CDKN3: variants seen among roughly 807,000 people sequenced by gnomAD.
CDKN3 encodes the protein cyclin-dependent kinase inhibitor 3.
A neutral mutation model predicts 36.1 loss-of-function variants in CDKN3; 19 were observed. That is an observed-to-expected ratio of 0.53 (90% CI 0.37 to 0.77). CDKN3 has a LOEUF of 0.77. CDKN3 is among the 30% of genes least tolerant of loss of function. The pLI is 0.00. For synonymous variants in CDKN3, 71 were observed against 85.3 expected (o/e 0.83, Z 0.92); for missense variants, 188 against 248.6 (o/e 0.76, Z 1.64).
chr14:54,403,393 T>C (rs539594423), intron 3 of CDKN3, among the ~76,000 whole-genome samples: 1 of 152,248 alleles, frequency 6.6e-6, no homozygotes, highest in Admixed American at 6.5e-5. Context: ...TTTTTGCACA[T>C]TGATTTTGTA....
intron 5 of CDKN3, 120 bp from the exon 6 acceptor site, chr14:54,415,779 G>A (rs977150809): frequency 2.0e-5 from 15 of 746,640 alleles, no homozygotes; most frequent in Non-Finnish European, 3.1e-5. Context: ...ATTAATCTTC[G>A]TGTGCAAGGC....
intron 5 of CDKN3, among the ~76,000 whole-genome samples, chr14:54,414,709 CTTTTTT>C (rs35670197): frequency 9.8e-6 from 1 of 102,142 alleles, no homozygotes; most frequent in Admixed American, 1.0e-4. Flanking sequence ...CCGTGCCAGG[CTTTTTT>C]TTTTTTTTTT....
intron 3 of CDKN3, among the ~76,000 whole-genome samples, chr14:54,407,635 T>C (rs1176489777): frequency 6.6e-6 from 1 of 152,210 alleles, no homozygotes; most frequent in Non-Finnish European, 1.5e-5. Context: ...CGACTGGCTT[T>C]GTTTACACTG....
chr14:54,418,067 C>A, intron 7 of CDKN3, 116 bp downstream of exon 7: 1 of 687,346 alleles, frequency 1.5e-6, no homozygotes. Context: ...AAATGAAAAT[C>A]CAAAGCACTC....
chr14:54,407,550 G>A (rs1244667231), intron 3 of CDKN3, among the ~76,000 whole-genome samples: 1 of 152,226 alleles, frequency 6.6e-6, no homozygotes, highest in Non-Finnish European at 1.5e-5. Context: ...GCCCAGAGTG[G>A]AGGAATCTAG....
chr14:54,407,907 T>C (rs1013708618), intron 3 of CDKN3, among the ~76,000 whole-genome samples: 2 of 152,154 alleles, frequency 1.3e-5, no homozygotes, highest in Non-Finnish European at 2.9e-5. Context: ...AATGCAGAAA[T>C]CACCCGTCTT....
rs1049651490 is a variant in CDKN3 at position 54,417,791 on chromosome 14, C to T, written c.449-57C>T. On this transcript the variant is annotated intron_variant, in intron 6 of 7. Coordinates refer to ENST00000335183, the MANE Select transcript of CDKN3 (RefSeq NM_005192.4). ...CAGAAGTCTTATTAAATATAAAATG[C>T]TGTACCCTGTCACTAGTTATTTAAT... is the stretch of plus-strand genomic sequence containing the variant. 1.2e-5 allele frequency: 11 copies of T among 922,230 alleles called. No homozygotes were observed. The East Asian group carries it at 2.7e-4, about 22-fold the overall frequency. 57.1% of individuals were successfully genotyped at this position (922,230 alleles called of 1,614,324 possible).
intron 3 of CDKN3, among the ~76,000 whole-genome samples, chr14:54,404,634 G>A (rs1434010076): frequency 6.6e-6 from 1 of 151,938 alleles, no homozygotes; most frequent in Non-Finnish European, 1.5e-5. Flanking sequence ...CAGTGCAATG[G>A]CACAATCTCG....
At chr14:54,410,827 CT>C (rs1046686100) in intron 4 of CDKN3, among the ~76,000 whole-genome samples, 2 of 151,696 alleles carry the variant, frequency 1.3e-5, no homozygotes, top group African/African-American at 4.8e-5. Flanking sequence ...ATTGATAGCA[CT>C]TTTTTTCTTT....
chr14:54,416,624 G>C (rs1057033583), intron 6 of CDKN3, among the ~76,000 whole-genome samples: 3 of 152,134 alleles, frequency 2.0e-5, no homozygotes, highest in Non-Finnish European at 4.4e-5. Context: ...AGAACAGCAT[G>C]AGCAACATGG....
chr14:54,417,401 A>C lies in CDKN3; in HGVS notation c.449-447A>C, dbSNP rs184755751. ...TGCTAAGAGAAGTCAGACACACACA[A>C]AAAAATATTGTATGTTTCCGTTTAT... On this transcript the variant is annotated intron_variant, in intron 6 of 7. Coordinates refer to ENST00000335183, the MANE Select transcript of CDKN3 (RefSeq NM_005192.4). Among the ~76,000 whole-genome samples, 178 of 152,356 alleles carry C rather than the reference A, an allele frequency of 1.2e-3. 2 individuals carry two copies. The Middle Eastern group carries it at 0.027, about 23-fold the overall frequency.
chr14:54,414,231 T>C (rs2030454950), intron 5 of CDKN3: 1 of 152,724 alleles, frequency 6.5e-6, no homozygotes, highest in Non-Finnish European at 1.5e-5. Context: ...GACTTCAGCA[T>C]GTCTTTTGGG....
At chr14:54,400,246 CT>C (rs5808774) in intron 2 of CDKN3, among the ~76,000 whole-genome samples, 167 of 114,446 alleles carry the variant, frequency 1.5e-3, no homozygotes, top group Middle Eastern at 4.9e-3. Flanking sequence ...TTATAAGACC[CT>C]TTTTTTTTTT....
At chr14:54,406,905 TGGA>T (rs1347451844) in intron 3 of CDKN3, among the ~76,000 whole-genome samples, 8 of 152,318 alleles carry the variant, frequency 5.3e-5, no homozygotes, top group African/African-American at 1.4e-4. Context: ...TGTGATCCTT[TGGA>T]GGAGAAGAGG....
In CDKN3 at chr14:54,401,976, G is replaced by A. The variant is rs181278781; in HGVS notation, c.148+397G>A. 1.1e-3 allele frequency among the ~76,000 whole-genome samples: 162 copies of A among 152,222 alleles called. 2 individuals carry two copies. The highest frequency in any genetic ancestry group is 4.9e-4 in the Non-Finnish European group (33 of 67,990). On this transcript the variant is annotated intron_variant, in intron 3 of 7. Coordinates refer to ENST00000335183, the MANE Select transcript of CDKN3 (RefSeq NM_005192.4). ...CGTAATCCCAGCACTTTGGGAGGCCGAGGCCGGCAGATCACGAAGTCAGAA... is the reference window on the plus strand; with the variant it reads ...CGTAATCCCAGCACTTTGGGAGGCCAAGGCCGGCAGATCACGAAGTCAGAA...
intron 7 of CDKN3, among the ~76,000 whole-genome samples, chr14:54,419,272 A>G (rs1354530562): frequency 1.3e-5 from 2 of 152,224 alleles, no homozygotes; most frequent in African/African-American, 2.4e-5. Flanking sequence ...TATGTTTTAC[A>G]TCTTTAACAT....
chr14:54,401,714 G>A (rs2139967907), intron 3 of CDKN3, 135 bp downstream of exon 3: 1 of 608,716 alleles, frequency 1.6e-6, no homozygotes, highest in East Asian at 2.9e-5. Flanking sequence ...CTGAAATTTT[G>A]GTGCACCCAT....
At chr14:54,404,696 T>TC (rs1031613386) in intron 3 of CDKN3, among the ~76,000 whole-genome samples, 19 of 152,078 alleles carry the variant, frequency 1.2e-4, no homozygotes, top group Non-Finnish European at 2.4e-4. Context: ...TGCGTCAGCC[T>TC]CCCTAGTAGC....
intron 7 of CDKN3, among the ~76,000 whole-genome samples, chr14:54,418,763 C>T (rs1475613162): frequency 1.3e-5 from 2 of 152,186 alleles, no homozygotes; most frequent in Non-Finnish European, 2.9e-5. Flanking sequence ...ATTCACCAAG[C>T]AACCTGATTC....
Sources: allele counts gnomAD v4.1 joint callset (sites outside exome capture counted in the v4.1 genomes callset), GRCh38; gene constraint gnomAD v4.1.1; transcripts MANE v1.5; gene names NCBI Gene and HGNC (gene_info 2026-07-23, HGNC 2026-07-21).